Variants in FHIT observed in about 807,000 individuals in gnomAD.
FHIT encodes bis(5'-adenosyl)-triphosphatase.
FHIT carries 19 observed loss-of-function variants against 17.9 expected under a neutral mutation model. The ratio of observed to expected loss-of-function variants is 1.06; its 90% CI spans 0.74 to 1.56. The LOEUF is 1.56. FHIT is among the 40% of genes most tolerant of loss of function. The pLI, the probability that FHIT is intolerant of heterozygous loss-of-function variation, is 0.00. For synonymous variants in FHIT, 81 were observed against 69.7 expected (o/e 1.16, Z -0.81); for missense variants, 248 against 189.2 (o/e 1.31, Z -1.82).
intron 2 of FHIT, among the ~76,000 whole-genome samples, chr3:61,070,626 T>G (rs948469272): frequency 1.3e-5 from 2 of 152,228 alleles, no homozygotes; most frequent in African/African-American, 4.8e-5. Flanking sequence ...CTTCTGCTCC[T>G]TCTCTTCATA....
intron 5 of FHIT, among the ~76,000 whole-genome samples, chr3:60,055,650 G>C (rs953369469): frequency 6.6e-6 from 1 of 152,168 alleles, no homozygotes; most frequent in Non-Finnish European, 1.5e-5. Context: ...AAGGCATTTA[G>C]AGAAAGCTTT....
intron 5 of FHIT, among the ~76,000 whole-genome samples, chr3:60,169,473 A>G (rs1701322836): frequency 6.6e-6 from 1 of 152,190 alleles, no homozygotes; most frequent in Non-Finnish European, 1.5e-5. Flanking sequence ...AAACATTAAA[A>G]ACCATCTTTT....
chr3:59,913,608 C>A (rs1704989042), intron 8 of FHIT, among the ~76,000 whole-genome samples: 1 of 152,170 alleles, frequency 6.6e-6, no homozygotes, highest in East Asian at 1.9e-4. Context: ...AGATGTATTA[C>A]TAGTCTCAGT....
chr3:60,470,815 CTGTTCACA>C (rs1378329353), intron 5 of FHIT, among the ~76,000 whole-genome samples: 1 of 152,158 alleles, frequency 6.6e-6, no homozygotes, highest in African/African-American at 2.4e-5. Flanking sequence ...TGGGAATGTG[CTGTTCACA>C]ACTGAAGCCA....
At chr3:60,962,893 A>T (rs1308293120) in intron 3 of FHIT, among the ~76,000 whole-genome samples, 3 of 152,026 alleles carry the variant, frequency 2.0e-5, no homozygotes, top group Admixed American at 6.6e-5. Flanking sequence ...AAATTCTCTT[A>T]TTTGGTTGTC....
chr3:60,392,162 A>T (rs1451360785), intron 5 of FHIT, among the ~76,000 whole-genome samples: 1 of 152,204 alleles, frequency 6.6e-6, no homozygotes, highest in African/African-American at 2.4e-5. Flanking sequence ...TCTGAGTAGG[A>T]TCTAGTTTGA....
chr3:60,202,274 C>T (rs1014875176), intron 5 of FHIT, among the ~76,000 whole-genome samples: 3 of 152,184 alleles, frequency 2.0e-5, no homozygotes, highest in Non-Finnish European at 4.4e-5. Context: ...CCTAGTAGCA[C>T]TCGTTTCTGA....
intron 7 of FHIT, among the ~76,000 whole-genome samples, chr3:59,931,394 G>T (rs1705964679): frequency 6.6e-6 from 1 of 152,138 alleles, no homozygotes; most frequent in African/African-American, 2.4e-5. Flanking sequence ...CAGCCACTTA[G>T]TTCTAAAATA....
At chr3:61,083,700 T>C (rs938513161) in intron 2 of FHIT, among the ~76,000 whole-genome samples, 5 of 152,238 alleles carry the variant, frequency 3.3e-5, no homozygotes, top group African/African-American at 1.2e-4. Flanking sequence ...TCTGTCTTTA[T>C]TGATTTGCCT....
chr3:60,049,125 C>G (rs1007141248), intron 5 of FHIT, among the ~76,000 whole-genome samples: 2 of 152,112 alleles, frequency 1.3e-5, no homozygotes, highest in African/African-American at 4.8e-5. Flanking sequence ...TTTTCCTGTA[C>G]TTTAACGCAT....
chr3:60,268,180 A>T (rs1429599767), intron 5 of FHIT, among the ~76,000 whole-genome samples: 1 of 152,222 alleles, frequency 6.6e-6, no homozygotes, highest in African/African-American at 2.4e-5. Context: ...ACTCCTTGAA[A>T]AGCAGTCTGA....
chr3:60,850,336 T>A (rs1339626599), intron 3 of FHIT, among the ~76,000 whole-genome samples: 1 of 96,582 alleles, frequency 1.0e-5, no homozygotes, highest in Non-Finnish European at 2.4e-5. Context: ...TCTCTCTCTC[T>A]CTCTCTCTCT....
At chr3:60,598,006 T>C (rs1351029916) in intron 4 of FHIT, among the ~76,000 whole-genome samples, 1 of 152,124 alleles carries the variant, frequency 6.6e-6, no homozygotes, top group Non-Finnish European at 1.5e-5. Context: ...AATCATACAT[T>C]GAGGAATTGG....
intron 4 of FHIT, among the ~76,000 whole-genome samples, chr3:60,633,870 A>C (rs1336132375): frequency 1.3e-5 from 2 of 152,230 alleles, no homozygotes; most frequent in African/African-American, 4.8e-5. Flanking sequence ...GCTGCCAGGG[A>C]AAGGTTTCAG....
At chr3:60,345,617 T>C (rs1319059805) in intron 5 of FHIT, among the ~76,000 whole-genome samples, 2 of 152,170 alleles carry the variant, frequency 1.3e-5, no homozygotes, top group East Asian at 1.9e-4. Context: ...ATTGTTTCCA[T>C]TGTCAAAATC....
At chr3:59,897,627 A>G (rs549488868) in intron 8 of FHIT, among the ~76,000 whole-genome samples, 1 of 152,286 alleles carries the variant, frequency 6.6e-6, no homozygotes, top group African/African-American at 2.4e-5. Context: ...ATGAACAAAT[A>G]TAAGCACAGC....
intron 5 of FHIT, among the ~76,000 whole-genome samples, chr3:60,040,090 A>G (rs1350416009): frequency 6.6e-6 from 1 of 152,116 alleles, no homozygotes; most frequent in Non-Finnish European, 1.5e-5. Context: ...ATGTCCAACA[A>G]AGATAGTGTC....
At chr3:61,054,203 T>A (rs149355486) in intron 2 of FHIT, among the ~76,000 whole-genome samples, 1 of 152,292 alleles carries the variant, frequency 6.6e-6, no homozygotes, top group Admixed American at 6.5e-5. Flanking sequence ...ATGCAGTGGA[T>A]TCAAAGAGCA....
In FHIT at chr3:59,899,861, A is replaced by G. The variant is rs557018467; in HGVS notation, c.348+22485T>C. The stretch of plus-strand genomic sequence containing the variant: ...TCTCCTTCTCAAAAAACAAAAACAA[A>G]AAAAAGAATCAGCTATTGCAGGCCT... On this transcript the variant is annotated intron_variant, in intron 8 of 9. Coordinates refer to ENST00000492590, the MANE Select transcript of FHIT (RefSeq NM_002012.4). 3.0e-3 allele frequency among the ~76,000 whole-genome samples: 457 copies of G among 152,162 alleles called. 6 individuals are homozygous for G. The highest frequency in any genetic ancestry group is 0.023 in the South Asian group (111 of 4,804).
Sources: allele counts gnomAD v4.1 joint callset (sites outside exome capture counted in the v4.1 genomes callset), GRCh38; gene constraint gnomAD v4.1.1; transcripts MANE v1.5; gene names NCBI Gene and HGNC (gene_info 2026-07-23, HGNC 2026-07-21).